RAPGEF5: variants seen among roughly 807,000 people sequenced by gnomAD.
RAPGEF5 encodes M-Ras-regulated GEF.
In RAPGEF5, 65 loss-of-function variants were observed where a neutral mutation model predicts 125.2. The observed-to-expected ratio is 0.52, with a 90% CI of 0.43 to 0.64. RAPGEF5 has a LOEUF of 0.64. Among genes scored for constraint, RAPGEF5 ranks in the 30% least tolerant of loss-of-function variants. RAPGEF5 has a pLI of 0.00. For missense variants in RAPGEF5, 958 were observed against 1,048.1 expected (o/e 0.91, Z 1.19); for synonymous variants, 391 against 385.9 (o/e 1.01, Z -0.16).
intron 1 of RAPGEF5, among the ~76,000 whole-genome samples, chr7:22,336,294 C>G (rs1180206897): frequency 6.6e-6 from 1 of 152,166 alleles, no homozygotes; most frequent in Non-Finnish European, 1.5e-5. Context: ...TGCCCCAAAC[C>G]ATGTATCTAC....
intron 1 of RAPGEF5, among the ~76,000 whole-genome samples, chr7:22,332,571 T>A (rs974250898): frequency 6.6e-6 from 1 of 152,194 alleles, no homozygotes; most frequent in African/African-American, 2.4e-5. Flanking sequence ...TAGTAAAGAT[T>A]CCATGCTAAC....
In RAPGEF5 at chr7:22,182,626, T is replaced by G. The variant is rs1295187653; in HGVS notation, c.1204+10741A>C. Among the ~76,000 whole-genome samples the G allele has an allele frequency of 2.6e-5, 4 of 152,232 alleles. No individual in the cohort carries two copies. In the East Asian group the frequency reaches 7.7e-4, roughly 29 times the overall value. ...ATGGCAATTTACACATTTTTAAAGGTTTTAGAACAGAAATTTCCTTTCAAA... is the reference window on the plus strand; with the variant it reads ...ATGGCAATTTACACATTTTTAAAGGGTTTAGAACAGAAATTTCCTTTCAAA... On this transcript the variant is annotated intron_variant, in intron 11 of 25. Coordinates refer to ENST00000665637, the MANE Select transcript of RAPGEF5 (RefSeq NM_012294.5).
intron 12 of RAPGEF5, among the ~76,000 whole-genome samples, chr7:22,164,938 A>C (rs1331983191): frequency 6.6e-6 from 1 of 152,222 alleles, no homozygotes; most frequent in Non-Finnish European, 1.5e-5. Context: ...TGGAAAAAAC[A>C]AATAATTTAG....
chr7:22,292,776 A>G (rs1323255934), intron 5 of RAPGEF5, among the ~76,000 whole-genome samples: 1 of 152,258 alleles, frequency 6.6e-6, no homozygotes, highest in African/African-American at 2.4e-5. Context: ...GTAGTGACAC[A>G]TGGGCTGGTT....
intron 9 of RAPGEF5, among the ~76,000 whole-genome samples, chr7:22,195,182 C>G (rs1335179885): frequency 6.6e-6 from 1 of 152,120 alleles, no homozygotes; most frequent in Non-Finnish European, 1.5e-5. Flanking sequence ...GAGGATATCC[C>G]CACCCCCAAC....
intron 6 of RAPGEF5, among the ~76,000 whole-genome samples, chr7:22,279,420 T>A (rs941797845): frequency 5.3e-5 from 8 of 152,238 alleles, no homozygotes; most frequent in African/African-American, 1.9e-4. Flanking sequence ...TGCTCTGTTA[T>A]CTACTAAGAT....
At chr7:22,171,588 T>C (rs1373819234) in intron 11 of RAPGEF5, among the ~76,000 whole-genome samples, 2 of 152,190 alleles carry the variant, frequency 1.3e-5, no homozygotes, top group African/African-American at 4.8e-5. Flanking sequence ...AACCTCCACC[T>C]CCCAGATTCA....
At chr7:22,324,969 T>G (rs1220961606) in intron 1 of RAPGEF5, among the ~76,000 whole-genome samples, 1 of 152,232 alleles carries the variant, frequency 6.6e-6, no homozygotes, top group Non-Finnish European at 1.5e-5. Flanking sequence ...ACAGACACTC[T>G]GCTTCAGCCA....
intron 10 of RAPGEF5, 40 bp downstream of exon 10, chr7:22,193,875 A>ACGGGAG: frequency 6.2e-7 from 1 of 1,612,312 alleles, no homozygotes; most frequent in Non-Finnish European, 8.5e-7. Context: ...GGAAAAGGAA[A>ACGGGAG]CGGGAGCGCG....
intron 5 of RAPGEF5, among the ~76,000 whole-genome samples, chr7:22,296,382 G>A (rs1399973817): frequency 6.6e-6 from 1 of 152,138 alleles, no homozygotes; most frequent in African/African-American, 2.4e-5. Context: ...TCAGTCAGGA[G>A]GCAGAGGACA....
At chr7:22,239,756 CAATGAT>C (rs1179395284) in intron 7 of RAPGEF5, among the ~76,000 whole-genome samples, 1 of 152,016 alleles carries the variant, frequency 6.6e-6, no homozygotes, top group African/African-American at 2.4e-5. Context: ...CAACAGAAAA[CAATGAT>C]AATGTCGTTA....
chr7:22,210,860 C>G (rs1010125393), intron 9 of RAPGEF5, among the ~76,000 whole-genome samples: 1 of 152,036 alleles, frequency 6.6e-6, no homozygotes, highest in Non-Finnish European at 1.5e-5. Context: ...AATTCAAAAA[C>G]CTATTCCAGT....
intron 3 of RAPGEF5, among the ~76,000 whole-genome samples, chr7:22,315,132 G>A (rs1282653965): frequency 6.6e-6 from 1 of 152,160 alleles, no homozygotes; most frequent in African/African-American, 2.4e-5. Flanking sequence ...TCTCTCAGGA[G>A]CCCATCCACA....
intron 6 of RAPGEF5, among the ~76,000 whole-genome samples, chr7:22,278,979 C>A (rs1419402031): frequency 6.6e-6 from 1 of 152,032 alleles, no homozygotes; most frequent in Non-Finnish European, 1.5e-5. Flanking sequence ...TTCATATATG[C>A]ACACAGATCT....
intron 1 of RAPGEF5, among the ~76,000 whole-genome samples, chr7:22,318,532 C>T (rs1390865583): frequency 6.6e-6 from 1 of 152,220 alleles, no homozygotes; most frequent in East Asian, 1.9e-4. Context: ...ATTGCTTATC[C>T]GAGTTAATCC....
At chr7:22,353,001 A>C (rs1276814418) in intron 1 of RAPGEF5, among the ~76,000 whole-genome samples, 1 of 152,242 alleles carries the variant, frequency 6.6e-6, no homozygotes, top group Non-Finnish European at 1.5e-5. Flanking sequence ...AAAGAGAGAT[A>C]TCCAGACATT....
chr7:22,248,098 C>G (rs371367759), intron 7 of RAPGEF5, among the ~76,000 whole-genome samples: 2 of 152,104 alleles, frequency 1.3e-5, no homozygotes, highest in African/African-American at 2.4e-5. Context: ...AAAACCTGCA[C>G]GTGTACCCTT....
At chr7:22,305,879 A>C (rs532623919) in intron 5 of RAPGEF5, among the ~76,000 whole-genome samples, 2 of 152,252 alleles carry the variant, frequency 1.3e-5, no homozygotes, top group South Asian at 4.1e-4. Flanking sequence ...GCAAATGACT[A>C]TCTCTCATTC....
At chr7:22,333,745 G>A (rs1243799731) in intron 1 of RAPGEF5, among the ~76,000 whole-genome samples, 1 of 152,238 alleles carries the variant, frequency 6.6e-6, no homozygotes. Flanking sequence ...ACCTGTTTGT[G>A]TAAGCTCATA....
Sources: gnomAD v4.1 joint callset for allele counts (sites outside exome capture counted in the v4.1 genomes callset) on GRCh38, gnomAD v4.1.1 for gene constraint, MANE v1.5 for transcripts, NCBI Gene and HGNC (gene_info 2026-07-23, HGNC 2026-07-21) for gene names.